ANKRD44: variants seen among roughly 807,000 people sequenced by gnomAD.
The protein encoded by ANKRD44 is serine/threonine-protein phosphatase 6 regulatory ankyrin repeat subunit B.
In ANKRD44, 35 loss-of-function variants were observed where a neutral mutation model predicts 116.0. The observed-to-expected ratio is 0.30, with a 90% CI of 0.23 to 0.40. The LOEUF (loss-of-function observed/expected upper bound fraction) is 0.40. ANKRD44 is among the 10% of genes least tolerant of loss of function. The probability of loss-of-function intolerance (pLI) is 1.00; values close to 1 mark genes in which losing one functional copy is unlikely to be tolerated. For missense variants in ANKRD44, 1,014 were observed against 1,242.6 expected (o/e 0.82, Z 2.77); for synonymous variants, 435 against 461.8 (o/e 0.94, Z 0.74).
intron 16 of ANKRD44, among the ~76,000 whole-genome samples, chr2:197,062,027 C>T (rs537937601): frequency 1.8e-4 from 27 of 152,306 alleles, no homozygotes; most frequent in East Asian, 5.8e-4. Flanking sequence ...GTGATCCACC[C>T]GCCTCGGCCT....
At chr2:197,034,585 C>T (rs955262581) in intron 16 of ANKRD44, among the ~76,000 whole-genome samples, 1 of 151,432 alleles carries the variant, frequency 6.6e-6, no homozygotes, top group Non-Finnish European at 1.5e-5. Context: ...AATAATAAGG[C>T]CTTCATCCGG....
Position 197,249,983 on chromosome 2 carries a change from A to G in ANKRD44, c.27+60595T>C, listed in dbSNP as rs150929091. On this transcript the variant is annotated intron_variant, in intron 1 of 27. Coordinates refer to ENST00000282272, the MANE Select transcript of ANKRD44 (RefSeq NM_001195144.2). ...CATAATTTTAAAATTGCATTAGACA[A>G]TGACAGTCTTATCAGGCAGGGTGTT... is the stretch of plus-strand genomic sequence containing the variant. 2.8e-4 allele frequency among the ~76,000 whole-genome samples: 43 copies of G among 152,374 alleles called. 1 individual carries two copies. The highest frequency in any genetic ancestry group is 9.4e-4 in the African/African-American group (39 of 41,590).
At chr2:196,984,300 C>T (rs901001881), downstream of ANKRD44, among the ~76,000 whole-genome samples, 4 of 152,136 alleles carry the variant, frequency 2.6e-5, no homozygotes, top group African/African-American at 9.7e-5. Flanking sequence ...CTGCCCACCC[C>T]CCAGCCATTG....
In ANKRD44 at chr2:197,125,393, C is replaced by T. The variant is rs556577054; in HGVS notation, c.538G>A (p.Ala180Thr). The T allele has an allele frequency of 5.6e-6, 9 of 1,614,028 alleles. No homozygotes were observed. The highest frequency in any genetic ancestry group is 2.7e-5 in the African/African-American group (2 of 74,948). ...ATGGAATCCTTACCCATGTATGCTG[C>T]CCAGTGCAGAGCACGCCGGTCCTTC... ...DKKDRRALHW[A>T]AYMGHLDVVA... Residue 180 changes from alanine (A) to threonine (T), a missense_variant, in exon 6 of 28, where the codon GCA becomes ACA. By Grantham distance (58) the Ala-to-Thr change is moderately conservative. Transcript: ENST00000282272.
At chr2:197,278,385 C>T (rs969577020) in intron 1 of ANKRD44, among the ~76,000 whole-genome samples, 1 of 151,990 alleles carries the variant, frequency 6.6e-6, no homozygotes, top group African/African-American at 2.4e-5. Flanking sequence ...TTGACAGAGT[C>T]TTGCTCTGTC....
At chr2:197,055,416 T>C (rs1162868419) in intron 16 of ANKRD44, among the ~76,000 whole-genome samples, 1 of 152,210 alleles carries the variant, frequency 6.6e-6, no homozygotes. Context: ...TCTCTCTTAA[T>C]GGTGCCTTTT....
intron 21 of ANKRD44, among the ~76,000 whole-genome samples, chr2:196,974,430 A>G (rs952224921): frequency 3.3e-5 from 5 of 152,220 alleles, no homozygotes; most frequent in African/African-American, 1.2e-4. Flanking sequence ...AGAAGTTACA[A>G]AGGAAATTGG....
At chr2:197,234,083 C>T (rs1219428647) in intron 1 of ANKRD44, among the ~76,000 whole-genome samples, 1 of 152,114 alleles carries the variant, frequency 6.6e-6, no homozygotes, top group Non-Finnish European at 1.5e-5. Context: ...CAGAGTAAAC[C>T]AGAAAGCCTC....
chr2:197,266,366 T>C (rs1461979146), intron 1 of ANKRD44, among the ~76,000 whole-genome samples: 1 of 152,102 alleles, frequency 6.6e-6, no homozygotes, highest in African/African-American at 2.4e-5. Flanking sequence ...AATGGAAAAT[T>C]ACAGTTGAAA....
chr2:197,065,651 A>G lies in ANKRD44; in HGVS notation c.1650+13052T>C, dbSNP rs140432865. On this transcript the variant is annotated intron_variant, in intron 16 of 27. Transcript: ENST00000282272. The stretch of plus-strand genomic sequence containing the variant: ...CAATCCCACAGAAATACAAACTATC[A>G]TCAGAGAACACTATAAACACCTCTA... Among the ~76,000 whole-genome samples, 715 of 152,358 alleles carry G rather than the reference A, an allele frequency of 4.7e-3. 12 individuals carry two copies. The East Asian group carries it at 0.052, about 11-fold the overall frequency.
chr2:197,070,147 A>G (rs988000455), intron 16 of ANKRD44, among the ~76,000 whole-genome samples: 1 of 152,084 alleles, frequency 6.6e-6, no homozygotes, highest in Non-Finnish European at 1.5e-5. Context: ...TTGGTTGATT[A>G]CTGGGGATTT....
rs769631031 is a variant in ANKRD44 at position 197,212,048 on chromosome 2, T to TCACACA, written c.28-24943_28-24942insTGTGTG. The stretch of plus-strand genomic sequence containing the variant: ...CTCTCTCTCTCTCTCAGTCTCTCTC[T>TCACACA]CTCTCACACACACACACACACACAC... On this transcript the variant is annotated intron_variant, in intron 1 of 27. Transcript: ENST00000282272. This position sits in a 1 kb window ranked among gnomAD's most constrained non-coding sequence, Gnocchi z 4.8. Among the ~76,000 whole-genome samples, 119 of 118,418 alleles carry TCACACA rather than the reference T, an allele frequency of 1.0e-3. No individual in the cohort carries two copies. The highest frequency in any genetic ancestry group is 2.1e-3 in the African/African-American group (80 of 38,296). The allele number at this position is 118,418 out of a possible 152,430, so 77.7% of individuals were successfully genotyped here. A position where few individuals can be genotyped will look rare whatever the true frequency, so the allele number is the denominator to read the frequency against.
intron 9 of ANKRD44, among the ~76,000 whole-genome samples, chr2:197,107,940 C>T (rs1377083709): frequency 1.3e-5 from 2 of 152,224 alleles, no homozygotes; most frequent in African/African-American, 4.8e-5. Context: ...GAAGAATTCA[C>T]AGTTCTCACA....
chr2:197,099,874 T>C lies in ANKRD44; in HGVS notation c.1042A>G (p.Arg348Gly). ...DGNTPLHVAARYGHELLINTL... is the reference protein window; with the variant it reads ...DGNTPLHVAAGYGHELLINTL... The stretch of plus-strand genomic sequence containing the variant: ...TTAATCAAAAGCTCATGACCGTATC[T>C]TGCAGCCACATGGAGAGGAGTGTTG... The change falls in exon 10 of 28, where the codon AGA becomes GGA. Residue 348 changes from arginine to glycine, a missense_variant. Transcript: ENST00000282272. 6.2e-7 allele frequency: 1 copy of C among 1,614,184 alleles called. No individual in the cohort carries two copies. The highest frequency in any genetic ancestry group is 1.1e-5 in the South Asian group (1 of 91,082).
chr2:197,205,645 G>A (rs191884654), intron 1 of ANKRD44, among the ~76,000 whole-genome samples: 125 of 152,274 alleles, frequency 8.2e-4, no homozygotes, highest in Non-Finnish European at 5.1e-4. Context: ...TGGTGGGCCA[G>A]GCAATGCATT....
chr2:197,040,357 G>A (rs2076888032), intron 16 of ANKRD44, among the ~76,000 whole-genome samples: 1 of 146,076 alleles, frequency 6.8e-6, no homozygotes, highest in Non-Finnish European at 1.5e-5. Context: ...TTTCAGATTT[G>A]TTTCCAGTGG....
At chr2:197,179,506 T>C (rs761457898) in intron 2 of ANKRD44, among the ~76,000 whole-genome samples, 1 of 152,260 alleles carries the variant, frequency 6.6e-6, no homozygotes, top group Non-Finnish European at 1.5e-5. Context: ...GTTTACATGC[T>C]CAAACTACTT....
chr2:197,034,536 C>T (rs13408275), intron 16 of ANKRD44, among the ~76,000 whole-genome samples: 9,411 of 148,972 alleles, frequency 0.063, 1,013 homozygotes, highest in African/African-American at 0.22. Context: ...ACTTGGTCCT[C>T]TGCCTAAAAA....
chr2:197,018,427 T>A (rs1468761440), intron 17 of ANKRD44, among the ~76,000 whole-genome samples: 2 of 152,182 alleles, frequency 1.3e-5, no homozygotes, highest in African/African-American at 4.8e-5. Flanking sequence ...CTGTACTTTC[T>A]GCTCCCTCTG....
Sources: allele counts gnomAD v4.1 joint callset (sites outside exome capture counted in the v4.1 genomes callset), GRCh38; gene constraint gnomAD v4.1.1; non-coding constraint Gnocchi (gnomAD v3.1); transcripts MANE v1.5; gene names NCBI Gene and HGNC (gene_info 2026-07-23, HGNC 2026-07-21).